Variants in GRIN2A observed in about 807,000 individuals in gnomAD.
GRIN2A encodes the protein glutamate ionotropic receptor NMDA type subunit 2A.
In GRIN2A, 22 loss-of-function variants were observed where a neutral mutation model predicts 113.4. That is an observed-to-expected ratio of 0.19 (90% CI 0.14 to 0.28). GRIN2A has a LOEUF of 0.28. Among genes scored for constraint, GRIN2A ranks in the 10% least tolerant of loss-of-function variants. The pLI, the probability that GRIN2A is intolerant of heterozygous loss-of-function variation, is 1.00. For missense variants in GRIN2A, 1,502 were observed against 1,887.0 expected (o/e 0.80, Z 3.78); for synonymous variants, 827 against 738.4 (o/e 1.12, Z -1.94).
At chr16:10,010,416 G>A (rs2046484172) in intron 2 of GRIN2A, among the ~76,000 whole-genome samples, 1 of 152,130 alleles carries the variant, frequency 6.6e-6, no homozygotes, top group South Asian at 2.1e-4. Context: ...CAAACCCTTG[G>A]GATATCAGTT....
Position 9,887,722 on chromosome 16 carries a change from G to A in GRIN2A, c.1122+3264C>T, listed in dbSNP as rs540479617. Among the ~76,000 whole-genome samples, 8 of 152,246 alleles carry A rather than the reference G, an allele frequency of 5.3e-5. No homozygotes were observed. In the South Asian group the frequency reaches 1.7e-3, roughly 32 times the overall value. ...AGTAAAATTGCTGGATAAGATTTGTGTGTGTATGTGTACGTTTATTAAAAA... is the reference window on the plus strand; with the variant it reads ...AGTAAAATTGCTGGATAAGATTTGTATGTGTATGTGTACGTTTATTAAAAA... On this transcript the variant is annotated intron_variant, in intron 4 of 12. Transcript: ENST00000330684.
At chr16:9,871,500 T>C (rs768616056) in intron 4 of GRIN2A, among the ~76,000 whole-genome samples, 17 of 152,004 alleles carry the variant, frequency 1.1e-4, no homozygotes, top group African/African-American at 1.9e-4. Flanking sequence ...AGAGTCTAGA[T>C]TGCACTTTGT....
intron 3 of GRIN2A, among the ~76,000 whole-genome samples, chr16:9,900,998 A>G (rs1023885218): frequency 6.6e-6 from 1 of 152,240 alleles, no homozygotes; most frequent in Non-Finnish European, 1.5e-5. Flanking sequence ...TCTTCCAACC[A>G]AAAACTATAG....
chr16:10,083,026 A>G (rs1032018046), intron 2 of GRIN2A, among the ~76,000 whole-genome samples: 1 of 152,258 alleles, frequency 6.6e-6, no homozygotes, highest in African/African-American at 2.4e-5. Flanking sequence ...TCTAGAAGTT[A>G]GGGAAAAGAG....
In GRIN2A at chr16:10,044,965, G is replaced by A. The variant is rs547606259; in HGVS notation, c.415-106414C>T. Among the ~76,000 whole-genome samples the A allele has an allele frequency of 2.6e-5, 4 of 152,136 alleles. No homozygotes were observed. In the South Asian group the frequency reaches 6.2e-4, roughly 24 times the overall value. ...TTACTATTCCCTAATCAATGACCAG[G>A]GAATTATTGAGCAATTCAAAGACAC... On this transcript the variant is annotated intron_variant, in intron 2 of 12. Coordinates refer to ENST00000330684, the MANE Select transcript of GRIN2A (RefSeq NM_001134407.3).
chr16:9,981,421 C>T (rs188835311), intron 2 of GRIN2A, among the ~76,000 whole-genome samples: 27 of 152,214 alleles, frequency 1.8e-4, no homozygotes, highest in Admixed American at 1.1e-3. Flanking sequence ...ACATAGAAAA[C>T]AGAAAAAATA....
chr16:10,117,396 G>A (rs2048747103), intron 2 of GRIN2A, among the ~76,000 whole-genome samples: 1 of 152,220 alleles, frequency 6.6e-6, no homozygotes, highest in Non-Finnish European at 1.5e-5. Context: ...GCGATAAAAT[G>A]AATTAAGATT....
intron 2 of GRIN2A, among the ~76,000 whole-genome samples, chr16:10,118,892 A>C (rs998841160): frequency 3.9e-5 from 6 of 152,224 alleles, no homozygotes; most frequent in African/African-American, 1.4e-4. Context: ...AGATCAGCAT[A>C]AACAAAGTCA....
intron 2 of GRIN2A, among the ~76,000 whole-genome samples, chr16:9,939,034 A>G (rs1191331636): frequency 6.6e-6 from 1 of 152,204 alleles, no homozygotes; most frequent in Non-Finnish European, 1.5e-5. Flanking sequence ...GTGAGTTTCT[A>G]TGTTCATTTA....
At chr16:10,022,061 G>A (rs777790122) in intron 2 of GRIN2A, among the ~76,000 whole-genome samples, 1 of 145,506 alleles carries the variant, frequency 6.9e-6, no homozygotes, top group Non-Finnish European at 1.5e-5. Flanking sequence ...GACACCTCTA[G>A]AAATCTCTTC....
At chr16:10,148,937 G>A (rs544027814) in intron 2 of GRIN2A, among the ~76,000 whole-genome samples, 1 of 152,330 alleles carries the variant, frequency 6.6e-6, no homozygotes, top group African/African-American at 2.4e-5. Context: ...AGAACTGGAA[G>A]TCATGACGTT....
intron 2 of GRIN2A, among the ~76,000 whole-genome samples, chr16:10,162,852 T>C (rs949742250): frequency 2.6e-5 from 4 of 152,156 alleles, no homozygotes; most frequent in African/African-American, 9.7e-5. Flanking sequence ...CTGAAGCCCA[T>C]TTGAAAACCT....
At chr16:10,075,667 C>T (rs906567535) in intron 2 of GRIN2A, among the ~76,000 whole-genome samples, 22 of 152,158 alleles carry the variant, frequency 1.4e-4, no homozygotes, top group Non-Finnish European at 1.5e-4. Flanking sequence ...AGTCACCCTA[C>T]AGGGCACCTT....
At chr16:10,107,876 C>G (rs114996524) in intron 2 of GRIN2A, among the ~76,000 whole-genome samples, 2,618 of 152,296 alleles carry the variant, frequency 0.017, 68 homozygotes, top group African/African-American at 0.059. Flanking sequence ...AGTGGGGGTA[C>G]AGAGGTGCAC....
At chr16:9,883,264 C>G (rs756190972) in intron 4 of GRIN2A, among the ~76,000 whole-genome samples, 1 of 152,140 alleles carries the variant, frequency 6.6e-6, no homozygotes, top group African/African-American at 2.4e-5. Context: ...CTGAAGTCGT[C>G]GATACCAACA....
intron 2 of GRIN2A, among the ~76,000 whole-genome samples, chr16:10,125,221 A>C (rs2048910252): frequency 1.3e-5 from 2 of 152,182 alleles, no homozygotes; most frequent in East Asian, 3.8e-4. Flanking sequence ...TGACCTCTTG[A>C]CGCCTTCTAC....
rs753806713 is a variant in GRIN2A, at chr16:10,180,219, G to A, written c.193C>T (p.Leu65=). The A allele has an allele frequency of 5.6e-6, 9 of 1,613,990 alleles. No individual in the cohort carries two copies. The Admixed American group carries it at 1.0e-4, about 18-fold the overall frequency. ...WGPEQAAGLP[L]DVNVVALLMN... is the part of the protein sequence containing the mutation. Reference sequence around the variant, plus strand: ...AGCAGAGCTACCACGTTCACGTCCAGGGGCAGCCCCGCCGCCTGCTCGGGG... The same window carrying A: ...AGCAGAGCTACCACGTTCACGTCCAAGGGCAGCCCCGCCGCCTGCTCGGGG... The change falls in exon 2 of 13, where the codon CTG becomes TTG. Residue 65 remains leucine (L), a synonymous_variant. Transcript: ENST00000330684. This position sits in a 1 kb window ranked among gnomAD's most constrained non-coding sequence, Gnocchi z 7.0.
intron 2 of GRIN2A, among the ~76,000 whole-genome samples, chr16:10,017,960 A>G (rs2046641898): frequency 6.6e-6 from 1 of 152,186 alleles, no homozygotes; most frequent in Non-Finnish European, 1.5e-5. Context: ...TCTCTAAAAT[A>G]TTGCACTGAA....
chr16:10,033,933 T>A (rs1266949826), intron 2 of GRIN2A: 2 of 152,288 alleles, frequency 1.3e-5, no homozygotes, highest in Non-Finnish European at 2.9e-5. Flanking sequence ...TTCCTTCTCC[T>A]GCCTTCTTGG....
Sources: gnomAD v4.1 joint callset for allele counts (sites outside exome capture counted in the v4.1 genomes callset) on GRCh38, gnomAD v4.1.1 for gene constraint, Gnocchi (gnomAD v3.1) non-coding constraint, MANE v1.5 for transcripts, NCBI Gene and HGNC (gene_info 2026-07-23, HGNC 2026-07-21) for gene names.